The following NPAS3 variants were observed in gnomAD, a reference collection of about 807,000 sequenced individuals.
The protein encoded by NPAS3 is neuronal PAS domain protein 3.
A neutral mutation model predicts 73.1 loss-of-function variants in NPAS3; 14 were observed. The observed-to-expected ratio is 0.19, with a 90% CI of 0.13 to 0.30. The LOEUF is 0.30. Ranked by LOEUF, NPAS3 falls within the 10% of genes least tolerant of loss-of-function variation. The pLI is 1.00. For missense variants in NPAS3, 1,096 were observed against 1,250.0 expected (o/e 0.88, Z 1.86); for synonymous variants, 620 against 541.5 (o/e 1.14, Z -2.01).
At chr14:32,949,870 T>C (rs1405675287) in intron 1 of NPAS3, among the ~76,000 whole-genome samples, 1 of 152,016 alleles carries the variant, frequency 6.6e-6, no homozygotes, top group Non-Finnish European at 1.5e-5. Context: ...TTAGTTATGC[T>C]ACATGTATTA....
intron 3 of NPAS3, among the ~76,000 whole-genome samples, chr14:33,281,311 G>A (rs2041595515): frequency 6.6e-6 from 1 of 152,198 alleles, no homozygotes; most frequent in African/African-American, 2.4e-5. Flanking sequence ...TTTTGTGGCA[G>A]ATGATTTAGA....
rs1412947374 is a variant in NPAS3 at position 33,388,065 on chromosome 14, A to ACC, written c.468+20797_468+20798insCC. 3.8e-4 allele frequency among the ~76,000 whole-genome samples: 58 copies of ACC among 152,240 alleles called. 1 individual carries two copies. Among genetic ancestry groups the ACC allele is most frequent in the African/African-American group, 9.9e-4 (41 of 41,560 alleles). On this transcript the variant is annotated intron_variant, in intron 4 of 11. Coordinates refer to ENST00000356141, the Ensembl canonical transcript of NPAS3. ...ACCTTGAGTAGGACCTTCACTGGTG[A>ACC]ATGTGGTTTTACCAAGTAAAGATGG... is the stretch of plus-strand genomic sequence containing the variant.
At chr14:33,682,775 A>G (rs2059975495) in intron 6 of NPAS3, among the ~76,000 whole-genome samples, 1 of 152,194 alleles carries the variant, frequency 6.6e-6, no homozygotes, top group Admixed American at 6.5e-5. Context: ...TTGTGTGTAA[A>G]ATGAGAACAT....
intron 4 of NPAS3, among the ~76,000 whole-genome samples, chr14:33,477,232 T>C (rs2051082058): frequency 6.6e-6 from 1 of 152,164 alleles, no homozygotes; most frequent in Non-Finnish European, 1.5e-5. Context: ...AAAGAGAGGA[T>C]GCTTTTCTCA....
At chr14:33,196,053 G>T (rs1335579238) in intron 2 of NPAS3, among the ~76,000 whole-genome samples, 1 of 152,182 alleles carries the variant, frequency 6.6e-6, no homozygotes, top group Non-Finnish European at 1.5e-5. Flanking sequence ...CAGAGTCAGA[G>T]AAATTAAATG....
intron 5 of NPAS3, among the ~76,000 whole-genome samples, chr14:33,629,344 A>G (rs1337635468): frequency 6.6e-6 from 1 of 152,212 alleles, no homozygotes; most frequent in Non-Finnish European, 1.5e-5. Flanking sequence ...TATAGGAAGA[A>G]AGAGAAATAA....
Position 33,665,834 on chromosome 14 carries a change from C to T in NPAS3, c.559-10377C>T, listed in dbSNP as rs146022527. Among the ~76,000 whole-genome samples, 416 of 152,012 alleles carry T rather than the reference C, an allele frequency of 2.7e-3. 1 individual carries two copies. Among genetic ancestry groups the T allele is most frequent in the Non-Finnish European group, 4.9e-3 (333 of 68,002 alleles). ...AATTAATTAAAATTCCAAAATGCAC[C>T]GTGGGTTTTGTGTTCACCTACTGGG... On this transcript the variant is annotated intron_variant, in intron 5 of 11. Transcript: ENST00000356141.
intron 2 of NPAS3, among the ~76,000 whole-genome samples, chr14:33,201,565 A>G (rs2046617340): frequency 6.6e-6 from 1 of 152,234 alleles, no homozygotes; most frequent in African/African-American, 2.4e-5. Context: ...CAGAGAAAAG[A>G]TAGGTATATT....
intron 1 of NPAS3, among the ~76,000 whole-genome samples, chr14:32,981,001 C>G (rs957180150): frequency 1.4e-4 from 22 of 152,140 alleles, no homozygotes; most frequent in Admixed American, 1.3e-4. Context: ...CTCCTCAGCA[C>G]TGTGACCTCC....
At chr14:33,239,998 T>C (rs2048164940) in intron 3 of NPAS3, among the ~76,000 whole-genome samples, 1 of 151,876 alleles carries the variant, frequency 6.6e-6, no homozygotes, top group Non-Finnish European at 1.5e-5. Flanking sequence ...TATCAAAAGA[T>C]GGTTGATTGC....
chr14:33,077,292 A>G (rs2041693195), intron 2 of NPAS3, among the ~76,000 whole-genome samples: 1 of 152,150 alleles, frequency 6.6e-6, no homozygotes, highest in South Asian at 2.1e-4. Context: ...GTTGTGAAGG[A>G]GATGTGGGAG....
chr14:33,495,666 G>C (rs564970420), intron 4 of NPAS3, among the ~76,000 whole-genome samples: 1 of 152,030 alleles, frequency 6.6e-6, no homozygotes, highest in Admixed American at 6.6e-5. Context: ...ACTGTGTTAG[G>C]TGCATATATA....
intron 1 of NPAS3, among the ~76,000 whole-genome samples, chr14:32,985,129 C>T (rs1595153751): frequency 1.3e-5 from 2 of 152,086 alleles, no homozygotes; most frequent in Admixed American, 6.5e-5. Flanking sequence ...GACATCAGAA[C>T]ATTGTCTCAG....
upstream of NPAS3, among the ~76,000 whole-genome samples, chr14:32,937,083 G>A (rs2035719583): frequency 6.6e-6 from 1 of 151,922 alleles, no homozygotes; most frequent in Non-Finnish European, 1.5e-5. Context: ...GATGACACCT[G>A]TTACTGTCTT....
chr14:33,457,554 C>T (rs2050076671), intron 4 of NPAS3, among the ~76,000 whole-genome samples: 1 of 152,218 alleles, frequency 6.6e-6, no homozygotes, highest in Admixed American at 6.5e-5. Context: ...TTCCCAGAAA[C>T]TCACTTACAG....
intron 4 of NPAS3, among the ~76,000 whole-genome samples, chr14:33,442,765 A>G (rs7156301): frequency 0.49 from 73,741 of 152,030 alleles, 20,559 homozygotes; most frequent in African/African-American, 0.77. Context: ...ATGCAGTCTC[A>G]GGTATGTCCT....
chr14:33,556,746 G>A (rs571173815), intron 4 of NPAS3, among the ~76,000 whole-genome samples: 1 of 152,332 alleles, frequency 6.6e-6, no homozygotes, highest in South Asian at 2.1e-4. Flanking sequence ...TAGCCTCTCT[G>A]TGCCTCAGTT....
In NPAS3 at chr14:33,461,870, T is replaced by G. The variant is rs1170352327; in HGVS notation, c.468+94602T>G. 2.6e-5 allele frequency among the ~76,000 whole-genome samples: 4 copies of G among 152,314 alleles called. No individual in the cohort carries two copies. In the East Asian group the frequency reaches 5.8e-4, roughly 22 times the overall value. On this transcript the variant is annotated intron_variant, in intron 4 of 11. Transcript: ENST00000356141. ...GAATTGGCCTGCCTGACACTCAGTT[T>G]CATCACTTGTGAAATGGGAATGGTA...
intron 4 of NPAS3, among the ~76,000 whole-genome samples, chr14:33,393,053 A>G (rs984900453): frequency 2.0e-5 from 3 of 151,944 alleles, no homozygotes; most frequent in Non-Finnish European, 4.4e-5. Flanking sequence ...TCTAGAACAT[A>G]TTTTTCAAAT....
Sources: gnomAD v4.1 joint callset for allele counts (sites outside exome capture counted in the v4.1 genomes callset) on GRCh38, gnomAD v4.1.1 for gene constraint, MANE v1.5 for transcripts, NCBI Gene and HGNC (gene_info 2026-07-23, HGNC 2026-07-21) for gene names.